The following WWOX variants were observed in gnomAD, a reference collection of about 807,000 sequenced individuals.
WWOX encodes WW domain containing oxidoreductase.
In WWOX, 69 loss-of-function variants were observed where a neutral mutation model predicts 46.2. That is an observed-to-expected ratio of 1.49 (90% CI 1.23 to 1.82). The LOEUF is 1.82. Among genes scored for constraint, WWOX ranks in the 40% most tolerant of loss-of-function variants. WWOX has a pLI of 0.00. For synonymous variants in WWOX, 359 were observed against 202.6 expected (o/e 1.77, Z -6.56); for missense variants, 919 against 542.6 (o/e 1.69, Z -6.89).
chr16:78,357,946 A>G (rs1056375838), intron 5 of WWOX, among the ~76,000 whole-genome samples: 1 of 152,178 alleles, frequency 6.6e-6, no homozygotes, highest in Non-Finnish European at 1.5e-5. Context: ...GGAGAAGGCC[A>G]GTTATTCCTC....
chr16:78,439,565 C>A (rs1285182716), intron 8 of WWOX, among the ~76,000 whole-genome samples: 1 of 152,188 alleles, frequency 6.6e-6, no homozygotes, highest in South Asian at 2.1e-4. Flanking sequence ...TGGAAAAGGG[C>A]AAAGGATTTA....
intron 5 of WWOX, among the ~76,000 whole-genome samples, chr16:78,384,813 T>G (rs1398422580): frequency 1.3e-5 from 2 of 152,168 alleles, no homozygotes; most frequent in Non-Finnish European, 2.9e-5. Flanking sequence ...GGGGACATAA[T>G]TTCATCACTT....
chr16:78,371,891 C>T (rs1418510596), intron 5 of WWOX, among the ~76,000 whole-genome samples: 1 of 152,068 alleles, frequency 6.6e-6, no homozygotes, highest in Non-Finnish European at 1.5e-5. Context: ...AAAATATTTT[C>T]TGATGTTTTA....
chr16:79,067,365 C>G (rs182724633), intron 8 of WWOX, among the ~76,000 whole-genome samples: 1 of 152,254 alleles, frequency 6.6e-6, no homozygotes, highest in African/African-American at 2.4e-5. Flanking sequence ...TGCTCTCGCT[C>G]TCTCTCTTTC....
chr16:78,501,798 A>G (rs1379026986), intron 8 of WWOX, among the ~76,000 whole-genome samples: 1 of 152,032 alleles, frequency 6.6e-6, no homozygotes, highest in Non-Finnish European at 1.5e-5. Context: ...CAGCCTCCCA[A>G]ACTGCTGGAA....
At chr16:78,508,445 C>G (rs1013137245) in intron 8 of WWOX, among the ~76,000 whole-genome samples, 2 of 149,814 alleles carry the variant, frequency 1.3e-5, no homozygotes, top group African/African-American at 2.5e-5. Context: ...CACCTGTAAA[C>G]AAAAACAACA....
chr16:78,973,079 T>C (rs1440850794), intron 8 of WWOX, among the ~76,000 whole-genome samples: 1 of 152,232 alleles, frequency 6.6e-6, no homozygotes, highest in Admixed American at 6.5e-5. Context: ...CTGTCAGCAT[T>C]GTTAATGACA....
intron 8 of WWOX, chr16:78,825,880 G>T (rs1199929995): frequency 1.5e-6 from 1 of 676,348 alleles, no homozygotes; most frequent in Non-Finnish European, 2.7e-6. Context: ...GCCCTAAGAA[G>T]CCTCTGCCTG....
chr16:79,130,072 G>A (rs180797766), intron 8 of WWOX, among the ~76,000 whole-genome samples: 27 of 152,288 alleles, frequency 1.8e-4, no homozygotes, highest in East Asian at 5.8e-4. Flanking sequence ...TGGAATAACC[G>A]TGTAAGGTTG....
intron 8 of WWOX, among the ~76,000 whole-genome samples, chr16:78,588,377 T>G (rs991463291): frequency 3.3e-5 from 5 of 152,178 alleles, no homozygotes; most frequent in African/African-American, 1.2e-4. Context: ...AATATTGATT[T>G]ATATCTTGGG....
chr16:79,051,419 C>T lies in WWOX; in HGVS notation c.1057-160189C>T, dbSNP rs549800241. On this transcript the variant is annotated intron_variant, in intron 8 of 8. Transcript: ENST00000566780. Reference sequence around the variant, plus strand: ...AAGTGGTAATTCAGGAACCCAGGCTCCTTCCATTCTGTGGCTTCACCTTGA... The same window carrying T: ...AAGTGGTAATTCAGGAACCCAGGCTTCTTCCATTCTGTGGCTTCACCTTGA... Among the ~76,000 whole-genome samples the T allele has an allele frequency of 5.3e-5, 8 of 152,324 alleles. No individual in the cohort carries two copies. In the South Asian group the frequency reaches 1.5e-3, roughly 28 times the overall value.
At chr16:78,559,069 G>A (rs776903168) in intron 8 of WWOX, among the ~76,000 whole-genome samples, 7 of 152,218 alleles carry the variant, frequency 4.6e-5, no homozygotes, top group Non-Finnish European at 1.0e-4. Flanking sequence ...ACATAGTTCC[G>A]TCTGGCTTGG....
chr16:78,754,109 A>C (rs1231796888), intron 8 of WWOX, among the ~76,000 whole-genome samples: 1 of 151,976 alleles, frequency 6.6e-6, no homozygotes, highest in African/African-American at 2.4e-5. Context: ...TTGTGATTAT[A>C]AATGGATTCC....
At chr16:78,197,721 C>T (rs1209649707) in intron 5 of WWOX, among the ~76,000 whole-genome samples, 1 of 152,088 alleles carries the variant, frequency 6.6e-6, no homozygotes, top group Non-Finnish European at 1.5e-5. Flanking sequence ...TTAATAACCC[C>T]ATGAAAAGGA....
At chr16:78,985,664 G>T (rs952608886) in intron 8 of WWOX, among the ~76,000 whole-genome samples, 10 of 152,224 alleles carry the variant, frequency 6.6e-5, no homozygotes, top group African/African-American at 2.2e-4. Context: ...AGCTACTCAG[G>T]AGGCTGAGGC....
At chr16:78,927,198 G>A (rs1002165302) in intron 8 of WWOX, among the ~76,000 whole-genome samples, 3 of 152,206 alleles carry the variant, frequency 2.0e-5, no homozygotes, top group Non-Finnish European at 4.4e-5. Flanking sequence ...AATGAGGTAT[G>A]TGGTACTCGT....
At chr16:78,176,102 T>C (rs1405900591) in intron 5 of WWOX, among the ~76,000 whole-genome samples, 1 of 152,296 alleles carries the variant, frequency 6.6e-6, no homozygotes, top group East Asian at 1.9e-4. Context: ...TTCTCCCTCA[T>C]ATTGAAGGCA....
At chr16:78,128,054 A>C (rs1212221417) in intron 4 of WWOX, among the ~76,000 whole-genome samples, 1 of 152,212 alleles carries the variant, frequency 6.6e-6, no homozygotes, top group Non-Finnish European at 1.5e-5. Context: ...GTATGAATAT[A>C]AGGTTGCTGG....
At chr16:78,946,586 G>C (rs34787636) in intron 8 of WWOX, among the ~76,000 whole-genome samples, 5,715 of 152,282 alleles carry the variant, frequency 0.038, 139 homozygotes, top group Non-Finnish European at 0.058. Context: ...AGAAACATCA[G>C]AGTTCACCCT....
Sources: gnomAD v4.1 joint callset for allele counts (sites outside exome capture counted in the v4.1 genomes callset) on GRCh38, gnomAD v4.1.1 for gene constraint, MANE v1.5 for transcripts, NCBI Gene and HGNC (gene_info 2026-07-23, HGNC 2026-07-21) for gene names.